The following PCDHGA2 variants were observed in gnomAD, a reference collection of about 807,000 sequenced individuals.
PCDHGA2 encodes the protein protocadherin gamma subfamily A, 2, also known as protocadherin gamma-A2.
A neutral mutation model predicts 59.2 loss-of-function variants in PCDHGA2; 40 were observed. The observed-to-expected ratio is 0.68, with a 90% CI of 0.52 to 0.88. The LOEUF (loss-of-function observed/expected upper bound fraction) is 0.88. Ranked by LOEUF, PCDHGA2 falls within the 40% of genes least tolerant of loss-of-function variation. PCDHGA2 has a pLI of 0.00. For synonymous variants in PCDHGA2, 560 were observed against 526.0 expected, an observed-to-expected ratio of 1.06 and a Z score of -0.89; for missense variants, 1,226 against 1,204.0, an observed-to-expected ratio of 1.02 and a Z score of -0.27.
chr5:141,485,714 G>C lies in PCDHGA2; in HGVS notation c.2425-9093G>C, dbSNP rs896709540. 6.2e-7 allele frequency: 1 copy of C among 1,614,064 alleles called. No homozygotes were observed. Among genetic ancestry groups the C allele is most frequent in the Non-Finnish European group, 8.5e-7 (1 of 1,180,050 alleles). On this transcript the variant is annotated intron_variant, in intron 1 of 3. Coordinates refer to ENST00000394576, the MANE Select transcript of PCDHGA2 (RefSeq NM_018915.4). The surrounding 1 kb of genome is among the most constrained non-coding windows in gnomAD (Gnocchi z 5.7). The stretch of plus-strand genomic sequence containing the variant: ...GAGCTCCAATGAACACTTTGCACTG[G>C]ATGTGAAGAAGCGCAGCGACGGCAG...
chr5:141,421,572 G>T, intron 1 of PCDHGA2: 1 of 1,613,954 alleles, frequency 6.2e-7, no homozygotes, highest in Admixed American at 1.7e-5. Flanking sequence ...AAGACACCTT[G>T]AAGATTTACG....
chr5:141,430,615 A>G, intron 1 of PCDHGA2: 1 of 686,990 alleles, frequency 1.5e-6, no homozygotes, highest in Non-Finnish European at 2.2e-6. Context: ...CAAAGCAGAT[A>G]GCTAGGAATG....
intron 1 of PCDHGA2, 102 bp from the exon 2 acceptor site, chr5:141,494,705 G>A (rs2099756254): frequency 1.3e-6 from 2 of 1,597,990 alleles, no homozygotes; most frequent in East Asian, 2.2e-5. Context: ...TTTCTTCTCT[G>A]TGCCCACTCC....
chr5:141,340,210 A>G lies in PCDHGA2; in HGVS notation c.1239A>G (p.Glu413=), dbSNP rs1193138105. The change falls in exon 1 of 4, where the codon GAA becomes GAG. Residue 413 remains glutamate, a synonymous_variant. Transcript: ENST00000394576. ...TTACAACCAGAGCCCTTGACAGGGA[A>G]CAGTTTTCCTTTTACAACATCACTC... ...RLVTTRALDR[E]QFSFYNITLT... 5 of 1,614,036 alleles carry G rather than the reference A, an allele frequency of 3.1e-6. No individual in the cohort carries two copies. The highest frequency in any genetic ancestry group is 1.7e-5 in the Admixed American group (1 of 60,012).
At chr5:141,344,302 T>C in intron 1 of PCDHGA2, 1 of 1,614,088 alleles carries the variant, frequency 6.2e-7, no homozygotes, top group South Asian at 1.1e-5. Context: ...GCGGAGAGGA[T>C]AGACCGGGAG....
chr5:141,476,897 A>G lies in PCDHGA2; in HGVS notation c.2425-17910A>G. ...CGTCCTGGAGGATGCACCCTCCGGC[A>G]CGCGCGTGGTACAAGTCCTTGCAAC... On this transcript the variant is annotated intron_variant, in intron 1 of 3. Coordinates refer to ENST00000394576, the MANE Select transcript of PCDHGA2 (RefSeq NM_018915.4). The surrounding 1 kb of genome is among the most constrained non-coding windows in gnomAD (Gnocchi z 7.6). 1 of 1,613,938 alleles carries G rather than the reference A, an allele frequency of 6.2e-7. No individual in the cohort carries two copies. Among genetic ancestry groups the G allele is most frequent in the Non-Finnish European group, 8.5e-7 (1 of 1,180,012 alleles).
In PCDHGA2 at chr5:141,419,984, C is replaced by A. The variant is rs918632592; in HGVS notation, c.2425-74823C>A. ...TGTGCTCTTTCTCCTCGCGGTGATT[C>A]TAGCTATTGCTCTACGCCTGCGACA... On this transcript the variant is annotated intron_variant, in intron 1 of 3. Transcript: ENST00000394576. 27 of 1,613,962 alleles carry A rather than the reference C, an allele frequency of 1.7e-5. No individual in the cohort carries two copies. The highest frequency in any genetic ancestry group is 2.2e-5 in the Non-Finnish European group (26 of 1,179,912).
chr5:141,370,266 G>A, intron 1 of PCDHGA2: 2 of 765,958 alleles, frequency 2.6e-6, no homozygotes, highest in Non-Finnish European at 4.1e-6. Flanking sequence ...GCTTCCTGCA[G>A]CGGAGACACC....
At chr5:141,461,893 G>A (rs2099025951) in intron 1 of PCDHGA2, among the ~76,000 whole-genome samples, 1 of 151,772 alleles carries the variant, frequency 6.6e-6, no homozygotes, top group African/African-American at 2.4e-5. Context: ...GCACGATCTC[G>A]GCTCACTGCA....
At position 141,427,736 on chromosome 5, in the gene PCDHGA2, A is replaced by G. The variant is rs781594851; in HGVS notation, c.2425-67071A>G. 3.3e-6 allele frequency: 4 copies of G among 1,214,562 alleles called. No individual in the cohort carries two copies. In the South Asian group the frequency reaches 4.9e-5, roughly 15 times the overall value. The allele number at this position is 1,214,562 out of a possible 1,614,324, so 75.2% of individuals were successfully genotyped here. ...ACCTGGACCTAGGGCTGAATGGCCA[A>G]GTCTCCTACTCCATCGTTACCACTG... On this transcript the variant is annotated intron_variant, in intron 1 of 3. Coordinates refer to ENST00000394576, the MANE Select transcript of PCDHGA2 (RefSeq NM_018915.4).
chr5:141,485,625 G>C lies in PCDHGA2; in HGVS notation c.2425-9182G>C. On this transcript the variant is annotated intron_variant, in intron 1 of 3. Transcript: ENST00000394576. This position sits in a 1 kb window ranked among gnomAD's most constrained non-coding sequence, Gnocchi z 5.7. ...GGGGAGGCAGCTCCTCCAGGACAGC[G>C]TTTCCCGTTGGAAAAGGCTCAGGAT... The C allele has an allele frequency of 6.2e-7, 1 of 1,611,968 alleles. No individual in the cohort carries two copies. Among genetic ancestry groups the C allele is most frequent in the Non-Finnish European group, 8.5e-7 (1 of 1,178,504 alleles).
At chr5:141,372,042 G>C in intron 1 of PCDHGA2, 1 of 1,613,478 alleles carries the variant, frequency 6.2e-7, no homozygotes, top group South Asian at 1.1e-5. Context: ...GAGCCTGCGC[G>C]TGTTGGTGGA....
intron 1 of PCDHGA2, chr5:141,390,466 G>A: frequency 1.4e-6 from 1 of 712,034 alleles, no homozygotes; most frequent in East Asian, 2.7e-5. Context: ...AGGAGCAATT[G>A]TGTGGCCCAA....
chr5:141,343,636 G>A (rs1443446238), intron 1 of PCDHGA2, among the ~76,000 whole-genome samples: 1 of 152,202 alleles, frequency 6.6e-6, no homozygotes, highest in Non-Finnish European at 1.5e-5. Context: ...GATAACTTGA[G>A]GTGACACTGT....
chr5:141,509,811 C>T (rs1321920000), intron 3 of PCDHGA2, among the ~76,000 whole-genome samples: 1 of 152,168 alleles, frequency 6.6e-6, no homozygotes, highest in African/African-American at 2.4e-5. Flanking sequence ...TAGAGCCGAG[C>T]TCTTCTCCAT....
At chr5:141,370,704 C>T (rs1767132773) in intron 1 of PCDHGA2, 1 of 1,613,760 alleles carries the variant, frequency 6.2e-7, no homozygotes, top group African/African-American at 1.3e-5. Context: ...GACGTGTGTT[C>T]TGGAATTTGA....
rs540403118 is a variant in PCDHGA2, at chr5:141,365,112, T to C, written c.2424+23717T>C. The C allele has an allele frequency of 6.2e-6, 10 of 1,613,770 alleles. No individual in the cohort carries two copies. The highest frequency in any genetic ancestry group is 7.6e-6 in the Non-Finnish European group (9 of 1,179,884). On this transcript the variant is annotated intron_variant, in intron 1 of 3. Coordinates refer to ENST00000394576, the MANE Select transcript of PCDHGA2 (RefSeq NM_018915.4). ...GAGAACATACCTGTGGGCACTCGGC[T>C]GCTCATGCTAACCGCCACGGATCCA...
At chr5:141,484,943 C>T (rs542244720) in intron 1 of PCDHGA2, 14 of 546,098 alleles carry the variant, frequency 2.6e-5, no homozygotes, top group African/African-American at 2.3e-4. Flanking sequence ...GTTCTCTGCT[C>T]AGCCTATTGG....
Position 141,477,876 on chromosome 5 carries a change from G to A in PCDHGA2, c.2425-16931G>A, listed in dbSNP as rs1412801533. The A allele has an allele frequency of 4.3e-6, 7 of 1,614,144 alleles. No individual in the cohort carries two copies. Among genetic ancestry groups the A allele is most frequent in the Non-Finnish European group, 5.9e-6 (7 of 1,180,030 alleles). ...ATGCTGCCTCGAGGTACCTCAGCTG[G>A]CCACCTAGTGTCACGGGTGGTAGGC... On this transcript the variant is annotated intron_variant, in intron 1 of 3. Coordinates refer to ENST00000394576, the MANE Select transcript of PCDHGA2 (RefSeq NM_018915.4). The surrounding 1 kb of genome is among the most constrained non-coding windows in gnomAD (Gnocchi z 4.9).
Sources: allele counts gnomAD v4.1 joint callset (sites outside exome capture counted in the v4.1 genomes callset), GRCh38; gene constraint gnomAD v4.1.1; non-coding constraint Gnocchi (gnomAD v3.1); transcripts MANE v1.5; gene names NCBI Gene and HGNC (gene_info 2026-07-23, HGNC 2026-07-21).